The following ATXN1 variants were observed in gnomAD, a reference collection of about 807,000 sequenced individuals.
ATXN1 encodes the protein ataxin-1.
A neutral mutation model predicts 56.4 loss-of-function variants in ATXN1; 8 were observed. That is an observed-to-expected ratio of 0.14 (90% CI 0.08 to 0.26). The LOEUF is 0.26. Among genes scored for constraint, ATXN1 ranks in the 10% least tolerant of loss-of-function variants. ATXN1 has a pLI of 1.00. For synonymous variants in ATXN1, 514 were observed against 494.6 expected, an observed-to-expected ratio of 1.04 and a Z score of -0.52; for missense variants, 987 against 1,106.5, an observed-to-expected ratio of 0.89 and a Z score of 1.53.
intron 7 of ATXN1, among the ~76,000 whole-genome samples, chr6:16,324,756 A>G (rs1760761770): frequency 1.3e-5 from 2 of 152,214 alleles, no homozygotes; most frequent in Non-Finnish European, 2.9e-5. Flanking sequence ...AACCTGGAAA[A>G]GGGTAGATTG....
intron 4 of ATXN1, among the ~76,000 whole-genome samples, chr6:16,565,020 G>A (rs1169129695): frequency 3.3e-5 from 5 of 152,096 alleles, no homozygotes; most frequent in Admixed American, 2.6e-4. Flanking sequence ...CTCTTTCTCA[G>A]GAGACATTTC....
chr6:16,484,753 T>G (rs1370380083), intron 6 of ATXN1, among the ~76,000 whole-genome samples: 1 of 152,190 alleles, frequency 6.6e-6, no homozygotes. Flanking sequence ...CATATGCATA[T>G]TTTAATACAA....
intron 6 of ATXN1, among the ~76,000 whole-genome samples, chr6:16,470,805 G>A (rs1224707736): frequency 6.6e-6 from 1 of 152,118 alleles, no homozygotes; most frequent in African/African-American, 2.4e-5. Context: ...TCCAGCCTGG[G>A]CAACATAGTG....
At chr6:16,548,315 T>C (rs916825194) in intron 4 of ATXN1, among the ~76,000 whole-genome samples, 1 of 152,184 alleles carries the variant, frequency 6.6e-6, no homozygotes, top group African/African-American at 2.4e-5. Context: ...GGTGAGTCAG[T>C]GAGTGGGTGG....
intron 5 of ATXN1, among the ~76,000 whole-genome samples, chr6:16,518,091 A>G (rs1328752442): frequency 6.7e-6 from 1 of 149,654 alleles, no homozygotes; most frequent in Non-Finnish European, 1.5e-5. Flanking sequence ...ATAAACCAGC[A>G]GTCGGATGCA....
chr6:16,445,500 TTGATA>T (rs1195300958), intron 6 of ATXN1, among the ~76,000 whole-genome samples: 1 of 152,080 alleles, frequency 6.6e-6, no homozygotes, highest in Non-Finnish European at 1.5e-5. Context: ...TCAAATGTGT[TTGATA>T]TTTCTTTTTT....
intron 2 of ATXN1, among the ~76,000 whole-genome samples, chr6:16,682,031 G>A (rs143117186): frequency 8.5e-5 from 13 of 152,166 alleles, no homozygotes; most frequent in Admixed American, 2.0e-4. Context: ...TTGGTTAGCC[G>A]CTGTTCTCCT....
At chr6:16,759,954 G>T (rs1211050711) in intron 1 of ATXN1, among the ~76,000 whole-genome samples, 1 of 152,068 alleles carries the variant, frequency 6.6e-6, no homozygotes, top group Non-Finnish European at 1.5e-5. Flanking sequence ...CCTCCGCGTC[G>T]CGACGGCCCT....
In ATXN1 at chr6:16,663,629, G is replaced by A. The variant is rs1022902324; in HGVS notation, c.-614-5728C>T. Among the ~76,000 whole-genome samples the A allele has an allele frequency of 7.8e-4, 119 of 151,912 alleles. 1 individual carries two copies. Among genetic ancestry groups the A allele is most frequent in the Admixed American group, 1.3e-3 (20 of 15,252 alleles). On this transcript the variant is annotated intron_variant, in intron 2 of 7. Coordinates refer to ENST00000436367, the MANE Select transcript of ATXN1 (RefSeq NM_001128164.2). ...ATGATGCTCATCACGCAGCAGCCAG[G>A]AGCATGTTTTTTAATTTTTTATTTA...
At chr6:16,696,406 A>G (rs1325720880) in intron 2 of ATXN1, among the ~76,000 whole-genome samples, 3 of 152,194 alleles carry the variant, frequency 2.0e-5, no homozygotes, top group Admixed American at 6.5e-5. Flanking sequence ...GTCTCCAAGA[A>G]AAAAAGTTAA....
chr6:16,688,626 T>A (rs141115418), intron 2 of ATXN1, among the ~76,000 whole-genome samples: 52 of 152,328 alleles, frequency 3.4e-4, no homozygotes, highest in African/African-American at 1.2e-3. Context: ...TTGCTCAACA[T>A]AATATTGCAA....
intron 2 of ATXN1, among the ~76,000 whole-genome samples, chr6:16,677,981 T>C (rs1403525651): frequency 1.3e-5 from 2 of 152,236 alleles, no homozygotes; most frequent in Non-Finnish European, 2.9e-5. Context: ...TCAGGGGCTG[T>C]TTGCCTAAAA....
intron 6 of ATXN1, among the ~76,000 whole-genome samples, chr6:16,346,116 CG>C (rs1302955828): frequency 2.6e-5 from 4 of 152,180 alleles, no homozygotes; most frequent in Admixed American, 6.5e-5. Flanking sequence ...AGCGCAGTCA[CG>C]TGATCCCAGC....
chr6:16,505,384 T>TA (rs1417904842), intron 5 of ATXN1, among the ~76,000 whole-genome samples: 2 of 152,130 alleles, frequency 1.3e-5, no homozygotes, highest in Admixed American at 1.3e-4. Context: ...AGGGTGCTGG[T>TA]ATCAGGACTA....
chr6:16,736,356 C>T (rs1490191337), intron 2 of ATXN1, among the ~76,000 whole-genome samples: 4 of 152,280 alleles, frequency 2.6e-5, no homozygotes, highest in Admixed American at 2.0e-4. Context: ...CCTAATCTCC[C>T]TTCAGTGTAT....
intron 6 of ATXN1, among the ~76,000 whole-genome samples, chr6:16,372,494 C>A (rs570706429): frequency 9.9e-5 from 15 of 152,260 alleles, no homozygotes; most frequent in African/African-American, 3.1e-4. Context: ...CCAACCATGC[C>A]CATTTGGATA....
chr6:16,529,564 T>C (rs1303922448), intron 4 of ATXN1, among the ~76,000 whole-genome samples: 1 of 152,202 alleles, frequency 6.6e-6, no homozygotes, highest in Non-Finnish European at 1.5e-5. Context: ...ACAAAGAATG[T>C]GCAGGAATAA....
At chr6:16,476,241 A>G (rs1384918833) in intron 6 of ATXN1, among the ~76,000 whole-genome samples, 1 of 152,180 alleles carries the variant, frequency 6.6e-6, no homozygotes, top group African/African-American at 2.4e-5. Flanking sequence ...CTACTCTAGT[A>G]TGCTTCCAGT....
At chr6:16,719,047 T>C (rs953582434) in intron 2 of ATXN1, among the ~76,000 whole-genome samples, 4 of 152,242 alleles carry the variant, frequency 2.6e-5, no homozygotes, top group Non-Finnish European at 4.4e-5. Flanking sequence ...TCCCATAACA[T>C]TTGCAGAGTG....
Sources: allele counts gnomAD v4.1 joint callset (sites outside exome capture counted in the v4.1 genomes callset), GRCh38; gene constraint gnomAD v4.1.1; transcripts MANE v1.5; gene names NCBI Gene and HGNC (gene_info 2026-07-23, HGNC 2026-07-21).